ERP44: variants seen among roughly 807,000 people sequenced by gnomAD.
ERP44 encodes endoplasmic reticulum protein 44, also known as endoplasmic reticulum resident protein 44.
ERP44 carries 25 observed loss-of-function variants against 53.4 expected under a neutral mutation model. The observed-to-expected ratio is 0.47, with a 90% CI of 0.34 to 0.65. The LOEUF is 0.65. Among genes scored for constraint, ERP44 ranks in the 30% least tolerant of loss-of-function variants. ERP44 has a pLI of 0.01. For missense variants in ERP44, 338 were observed against 493.2 expected, an observed-to-expected ratio of 0.69 and a Z score of 2.98; for synonymous variants, 145 against 161.2, an observed-to-expected ratio of 0.90 and a Z score of 0.76.
chr9:100,037,543 G>A (rs755671700), intron 4 of ERP44, among the ~76,000 whole-genome samples: 10 of 152,002 alleles, frequency 6.6e-5, no homozygotes, highest in Non-Finnish European at 8.8e-5. Flanking sequence ...TCACCCCTCC[G>A]TTAACCCCAG....
At chr9:100,085,127 T>G (rs1826466235) in intron 1 of ERP44, among the ~76,000 whole-genome samples, 1 of 152,262 alleles carries the variant, frequency 6.6e-6, no homozygotes, top group South Asian at 2.1e-4. Context: ...AAAACACTTT[T>G]TTATTCAAGA....
rs7020928 is a variant in ERP44 at position 99,996,042 on chromosome 9, C to T, written c.1016+10464G>A. Among the ~76,000 whole-genome samples the T allele has an allele frequency of 7.9e-3, 1,201 of 151,882 alleles. 21 individuals carry two copies. Among genetic ancestry groups the T allele is most frequent in the African/African-American group, 0.027 (1,138 of 41,410 alleles). ...CCCTTTTTTCACACATCCTCACCACCGCTTTTGTCTCTTTTATAATAGTCA... is the reference window on the plus strand; with the variant it reads ...CCCTTTTTTCACACATCCTCACCACTGCTTTTGTCTCTTTTATAATAGTCA... On this transcript the variant is annotated intron_variant, in intron 10 of 11. Transcript: ENST00000262455.
At chr9:100,067,848 G>A (rs547310037) in intron 1 of ERP44, among the ~76,000 whole-genome samples, 306 of 150,462 alleles carry the variant, frequency 2.0e-3, no homozygotes, top group Non-Finnish European at 3.4e-3. Flanking sequence ...TGGCCGCCCC[G>A]TCTGAGAAGT....
At chr9:100,009,754 CA>C (rs1320570028) in intron 8 of ERP44, among the ~76,000 whole-genome samples, 1 of 152,202 alleles carries the variant, frequency 6.6e-6, no homozygotes, top group East Asian at 1.9e-4. Context: ...ATCTCCATTT[CA>C]AATTCTAAAC....
At chr9:100,045,169 G>A (rs1825952790) in intron 4 of ERP44, among the ~76,000 whole-genome samples, 1 of 152,100 alleles carries the variant, frequency 6.6e-6, no homozygotes, top group African/African-American at 2.4e-5. Flanking sequence ...TCCTACCTCA[G>A]AAACTTCACA....
intron 10 of ERP44, chr9:99,998,710 T>G: frequency 1.4e-6 from 1 of 722,874 alleles, no homozygotes; most frequent in Non-Finnish European, 2.5e-6. Flanking sequence ...TTTTCTTCGG[T>G]TTATCTCATT....
chr9:100,019,340 T>A (rs187489157), intron 6 of ERP44, among the ~76,000 whole-genome samples: 1 of 151,952 alleles, frequency 6.6e-6, no homozygotes, highest in African/African-American at 2.4e-5. Flanking sequence ...GGCCAGGAGT[T>A]CAAGACCATC....
chr9:99,992,925 A>G (rs1437974259), intron 10 of ERP44, among the ~76,000 whole-genome samples: 1 of 152,224 alleles, frequency 6.6e-6, no homozygotes, highest in Admixed American at 6.5e-5. Flanking sequence ...TGCTACAAAG[A>G]GAATAAAATA....
chr9:100,084,271 C>G (rs7021396), intron 1 of ERP44, among the ~76,000 whole-genome samples: 1 of 152,196 alleles, frequency 6.6e-6, no homozygotes, highest in Non-Finnish European at 1.5e-5. Context: ...AAAGTTTTCA[C>G]AGATGCAAAT....
Position 100,045,935 on chromosome 9 carries a change from C to CA in ERP44, c.286+6481dup, listed in dbSNP as rs201800794. On this transcript the variant is annotated intron_variant, in intron 4 of 11. Coordinates refer to ENST00000262455, the MANE Select transcript of ERP44 (RefSeq NM_015051.3). ...CACAAGAATTAAAGCTTTTAATTTG[C>CA]AAAAAAAACCTAATTGTCTAAGTAG... Among the ~76,000 whole-genome samples, 55 of 150,930 alleles carry CA rather than the reference C, an allele frequency of 3.6e-4. No individual in the cohort carries two copies. The East Asian group carries it at 5.8e-3, about 16-fold the overall frequency.
intron 1 of ERP44, among the ~76,000 whole-genome samples, chr9:100,068,299 T>C (rs1826250326): frequency 1.5e-5 from 2 of 130,052 alleles, no homozygotes; most frequent in African/African-American, 3.0e-5. Context: ...GGAGCCCCTC[T>C]ACCCGGCCAG....
rs1200122340 is a variant in ERP44 at position 99,985,166 on chromosome 9, T to A, written c.1017-97A>T. ...TAAAAAAACTTTTGCTAACCTATAG[T>A]CCCACCATCCTACCACAACTATTGC... On this transcript the variant is annotated intron_variant, in intron 10 of 11. Coordinates refer to ENST00000262455, the MANE Select transcript of ERP44 (RefSeq NM_015051.3). The A allele has an allele frequency of 8.4e-6, 6 of 718,412 alleles. 1 individual carries two copies. Among genetic ancestry groups the A allele is most frequent in the Non-Finnish European group, 1.4e-5 (6 of 415,158 alleles). The allele number at this position is 718,412 out of a possible 1,614,324, so 44.5% of individuals were successfully genotyped here. A position where few individuals can be genotyped will look rare whatever the true frequency, so the allele number is the denominator to read the frequency against.
intron 5 of ERP44, among the ~76,000 whole-genome samples, chr9:100,021,801 T>C (rs532956574): frequency 9.0e-4 from 137 of 152,334 alleles, no homozygotes; most frequent in Middle Eastern, 3.4e-3. Flanking sequence ...AGGCTTTCCT[T>C]TGTGCTCAAT....
At chr9:100,043,750 G>C (rs947303214) in intron 4 of ERP44, among the ~76,000 whole-genome samples, 1 of 151,262 alleles carries the variant, frequency 6.6e-6, no homozygotes, top group Non-Finnish European at 1.5e-5. Flanking sequence ...GCAAGACTCT[G>C]TCTCAAACAG....
At chr9:99,988,991 C>G (rs1050445957) in intron 10 of ERP44, among the ~76,000 whole-genome samples, 2 of 152,226 alleles carry the variant, frequency 1.3e-5, no homozygotes, top group Non-Finnish European at 2.9e-5. Flanking sequence ...GGAGGGGTGC[C>G]TGCCATTGCT....
chr9:100,007,750 C>T, intron 8 of ERP44, 61 bp from the exon 9 acceptor site: 2 of 937,362 alleles, frequency 2.1e-6, no homozygotes, highest in East Asian at 4.8e-5. Flanking sequence ...TAGCTATTTT[C>T]TAGGTAGGAA....
intron 5 of ERP44, 62 bp downstream of exon 5, chr9:100,021,980 A>T: frequency 1.4e-6 from 2 of 1,451,460 alleles, no homozygotes; most frequent in Admixed American, 1.9e-5. Context: ...TTTTGTTTGC[A>T]TTAGAATTTG....
chr9:99,999,477 T>C (rs1830355362), intron 10 of ERP44, among the ~76,000 whole-genome samples: 1 of 152,202 alleles, frequency 6.6e-6, no homozygotes, highest in Admixed American at 6.5e-5. Flanking sequence ...TGGCCGCTTG[T>C]GTGTCTTATT....
intron 8 of ERP44, among the ~76,000 whole-genome samples, chr9:100,011,093 C>CT: frequency 6.6e-6 from 1 of 152,102 alleles, no homozygotes; most frequent in South Asian, 2.1e-4. Context: ...ATATAAAGGA[C>CT]TTCAAACGGT....
Sources: allele counts gnomAD v4.1 joint callset (sites outside exome capture counted in the v4.1 genomes callset), GRCh38; gene constraint gnomAD v4.1.1; transcripts MANE v1.5; gene names NCBI Gene and HGNC (gene_info 2026-07-23, HGNC 2026-07-21).